Variants in EPHA6 observed in about 807,000 individuals in gnomAD.
EPHA6 encodes ephrin type-A receptor 6.
Under a neutral mutation model 112.0 loss-of-function variants are expected in EPHA6, and 50 were observed. That is an observed-to-expected ratio of 0.45 (90% CI 0.36 to 0.56). EPHA6 has a LOEUF of 0.56. EPHA6 is among the 20% of genes least tolerant of loss of function. The pLI, the probability that EPHA6 is intolerant of heterozygous loss-of-function variation, is 0.00. For synonymous variants in EPHA6, 529 were observed against 490.7 expected (o/e 1.08, Z -1.03); for missense variants, 1,280 against 1,417.4 (o/e 0.90, Z 1.56).
At chr3:97,569,629 A>C (rs1449382735) in intron 11 of EPHA6, among the ~76,000 whole-genome samples, 2 of 152,212 alleles carry the variant, frequency 1.3e-5, no homozygotes, top group African/African-American at 4.8e-5. Flanking sequence ...GTAAATGAGA[A>C]TATTGTAATT....
At chr3:97,238,947 T>A (rs1052590038) in intron 4 of EPHA6, among the ~76,000 whole-genome samples, 2 of 151,948 alleles carry the variant, frequency 1.3e-5, no homozygotes, top group Admixed American at 1.3e-4. Flanking sequence ...ATTTTTTGTT[T>A]GCCTGTTTTA....
intron 5 of EPHA6, among the ~76,000 whole-genome samples, chr3:97,335,013 G>T (rs1372766931): frequency 6.6e-6 from 1 of 152,082 alleles, no homozygotes; most frequent in African/African-American, 2.4e-5. Flanking sequence ...GTCAGTTCAG[G>T]CTGTAATAAC....
chr3:97,596,202 G>A (rs560608840), intron 12 of EPHA6, among the ~76,000 whole-genome samples: 3 of 152,270 alleles, frequency 2.0e-5, no homozygotes, highest in South Asian at 4.2e-4. Flanking sequence ...ACCGCGCCCG[G>A]CCATATCAGA....
chr3:97,243,834 A>T (rs1182374639), intron 4 of EPHA6, 118 bp from the exon 5 acceptor site: 1 of 748,740 alleles, frequency 1.3e-6, no homozygotes, highest in African/African-American at 1.8e-5. Flanking sequence ...ATCCCATTAG[A>T]AAAAGAGTTC....
At chr3:96,937,486 A>G (rs903472986) in intron 2 of EPHA6, among the ~76,000 whole-genome samples, 3 of 151,912 alleles carry the variant, frequency 2.0e-5, no homozygotes, top group Non-Finnish European at 2.9e-5. Context: ...GTTGGAGTTC[A>G]TTGTAGATTC....
chr3:97,006,336 A>G (rs1210756337), intron 3 of EPHA6, among the ~76,000 whole-genome samples: 2 of 150,108 alleles, frequency 1.3e-5, no homozygotes, highest in African/African-American at 2.4e-5. Context: ...TCTTCCTGGT[A>G]GGGTGTATGC....
chr3:96,926,399 C>G (rs928728985), intron 2 of EPHA6, among the ~76,000 whole-genome samples: 1 of 152,084 alleles, frequency 6.6e-6, no homozygotes, highest in Admixed American at 6.6e-5. Flanking sequence ...GCCCCCCTGC[C>G]CCCCAACAAA....
rs150956078 is a variant in EPHA6 at position 96,848,354 on chromosome 3, A to G, written c.386-18471A>G. 3.1e-4 allele frequency among the ~76,000 whole-genome samples: 47 copies of G among 152,172 alleles called. No individual in the cohort carries two copies. In the East Asian group the frequency reaches 8.7e-3, roughly 28 times the overall value. ...ATTATTAGTTACCAAATCAATTGTT[A>G]TAAAAATATTTACTGTAATCCTAGC... On this transcript the variant is annotated intron_variant, in intron 1 of 17. Coordinates refer to ENST00000389672, the MANE Select transcript of EPHA6 (RefSeq NM_001080448.3).
At position 96,988,002 on chromosome 3, in the gene EPHA6, C is replaced by A. The variant is rs767773758; in HGVS notation, c.1114+9C>A. 1 of 1,528,378 alleles carries A rather than the reference C, an allele frequency of 6.5e-7. No individual in the cohort carries two copies. Among genetic ancestry groups the A allele is most frequent in the Non-Finnish European group, 8.8e-7 (1 of 1,136,222 alleles). 94.7% of individuals were successfully genotyped at this position (1,528,378 alleles called of 1,614,324 possible). A position where few individuals can be genotyped will look rare whatever the true frequency, so the allele number is the denominator to read the frequency against. On this transcript the variant is annotated intron_variant, in intron 3 of 17. Transcript: ENST00000389672. ...TGAGGGTTCTTGCCATGGTAAGAAA[C>A]AAACATTTAAATAATTTATCTTGCA...
At chr3:97,509,240 G>A (rs1054182205) in intron 10 of EPHA6, among the ~76,000 whole-genome samples, 2 of 151,690 alleles carry the variant, frequency 1.3e-5, no homozygotes, top group African/African-American at 4.8e-5. Context: ...GATGTTAGCT[G>A]GTTATTTTGT....
At chr3:97,630,697 A>G (rs1039628631) in intron 13 of EPHA6, among the ~76,000 whole-genome samples, 1 of 152,010 alleles carries the variant, frequency 6.6e-6, no homozygotes, top group Non-Finnish European at 1.5e-5. Flanking sequence ...CAGCTAAAAG[A>G]TGAAACGTCC....
chr3:97,288,210 G>A (rs965943732), intron 5 of EPHA6, among the ~76,000 whole-genome samples: 1 of 152,140 alleles, frequency 6.6e-6, no homozygotes, highest in Non-Finnish European at 1.5e-5. Context: ...CACCCAACAG[G>A]CAGTTTTTCA....
intron 2 of EPHA6, among the ~76,000 whole-genome samples, chr3:96,973,315 A>C (rs747972217): frequency 6.6e-6 from 1 of 152,170 alleles, no homozygotes; most frequent in Admixed American, 6.5e-5. Flanking sequence ...CACTATTGGC[A>C]ATTTTAATCC....
intron 14 of EPHA6, among the ~76,000 whole-genome samples, chr3:97,709,832 C>T (rs1260657196): frequency 6.6e-6 from 1 of 152,162 alleles, no homozygotes; most frequent in Non-Finnish European, 1.5e-5. Context: ...CTCCCTCACT[C>T]TTACTCTCTT....
intron 7 of EPHA6, among the ~76,000 whole-genome samples, chr3:97,449,203 T>G (rs2090446334): frequency 6.6e-6 from 1 of 152,116 alleles, no homozygotes; most frequent in African/African-American, 2.4e-5. Flanking sequence ...CCCACATTAA[T>G]TCCGGGACCT....
At chr3:97,162,837 A>G (rs1444694496) in intron 3 of EPHA6, among the ~76,000 whole-genome samples, 1 of 152,106 alleles carries the variant, frequency 6.6e-6, no homozygotes, top group East Asian at 1.9e-4. Context: ...CTTGGAACTT[A>G]GTGTTAGATA....
At chr3:96,873,666 A>G (rs1227579110) in intron 2 of EPHA6, among the ~76,000 whole-genome samples, 3 of 152,188 alleles carry the variant, frequency 2.0e-5, no homozygotes, top group South Asian at 2.1e-4. Context: ...TTTACATGAC[A>G]TTGTTGCTAT....
At chr3:96,857,052 G>C (rs1002584575) in intron 1 of EPHA6, among the ~76,000 whole-genome samples, 1 of 152,084 alleles carries the variant, frequency 6.6e-6, no homozygotes. Context: ...GAACATTATA[G>C]ATTTCATTGC....
chr3:97,177,453 G>A (rs922756699), intron 3 of EPHA6, among the ~76,000 whole-genome samples: 1 of 151,960 alleles, frequency 6.6e-6, no homozygotes, highest in African/African-American at 2.4e-5. Context: ...CAGAAGATCT[G>A]TCCAGTGCTG....
Sources: gnomAD v4.1 joint callset for allele counts (sites outside exome capture counted in the v4.1 genomes callset) on GRCh38, gnomAD v4.1.1 for gene constraint, MANE v1.5 for transcripts, NCBI Gene and HGNC (gene_info 2026-07-23, HGNC 2026-07-21) for gene names.